Variants in TRIM28 observed in about 807,000 individuals in gnomAD.
TRIM28 encodes transcription intermediary factor 1-beta.
Under a neutral mutation model 87.4 loss-of-function variants are expected in TRIM28, and 8 were observed. The observed-to-expected ratio is 0.09, with a 90% confidence interval of 0.05 to 0.17. TRIM28 has a LOEUF of 0.17. Ranked by LOEUF, TRIM28 falls within the 10% of genes least tolerant of loss-of-function variation. The pLI is 1.00. For synonymous variants in TRIM28, 601 were observed against 454.3 expected, an observed-to-expected ratio of 1.32 and a Z score of -4.11; for missense variants, 968 against 1,131.8, an observed-to-expected ratio of 0.86 and a Z score of 2.08.
rs751886149 is a variant in TRIM28 at position 58,550,292 on chromosome 19, A to G, written c.2331+8A>G. On this transcript the variant is annotated splice_region_variant and intron_variant, in intron 16 of 16. Coordinates refer to ENST00000253024, the MANE Select transcript of TRIM28 (RefSeq NM_005762.3). ...TTCAACAAGTTAACTGAGGTGAGCCAGTGGAATGGAGAGGCTGTGGGCAGG... is the reference window on the plus strand; with the variant it reads ...TTCAACAAGTTAACTGAGGTGAGCCGGTGGAATGGAGAGGCTGTGGGCAGG... 3.1e-6 allele frequency: 5 copies of G among 1,613,986 alleles called. No homozygotes were observed. The highest frequency in any genetic ancestry group is 4.2e-6 in the Non-Finnish European group (5 of 1,179,968).
At position 58,548,192 on chromosome 19, in the gene TRIM28, TG is replaced by T; in HGVS notation, c.1101+15del. 6.2e-7 allele frequency: 1 copy of T among 1,613,830 alleles called. No homozygotes were observed. The highest frequency in any genetic ancestry group is 8.5e-7 in the Non-Finnish European group (1 of 1,179,710). On this transcript the variant is annotated intron_variant, in intron 7 of 16. Transcript: ENST00000253024. The stretch of plus-strand genomic sequence containing the variant: ...TTTCTAAGAAGTTGGTGTGTACTGG[TG>T]GGCTCCTGGCTGGTGGGTTCCAGGC...
At position 58,547,470 on chromosome 19, in the gene TRIM28, C is replaced by T. The variant is rs770078896; in HGVS notation, c.681C>T (p.Leu227=). The part of the protein sequence containing the change: ...LVLFCESCDT[L]TCRDCQLNAH... ...TGTTTTGTGAGAGCTGTGATACTCT[C>T]ACCTGCCGAGACTGCCAGCTCAATG... The change falls in exon 4 of 17, where the codon CTC becomes CTT. Residue 227 remains leucine, a synonymous_variant. Transcript: ENST00000253024. The T allele has an allele frequency of 6.2e-7, 1 of 1,613,928 alleles. No homozygotes were observed. The highest frequency in any genetic ancestry group is 1.3e-5 in the African/African-American group (1 of 74,922).
rs144808183 is a variant in TRIM28 at position 58,545,427 on chromosome 19, G to C, written c.343G>C (p.Val115Leu). Residue 115 changes from valine (V) to leucine (L), a missense_variant and splice_region_variant, in exon 2 of 17, where the codon GTG becomes CTG. Around this residue, in one of 11 missense-constraint regions of TRIM28, gnomAD observed 51 missense variants for 69.3 expected, o/e 0.74. Coordinates refer to ENST00000253024, the MANE Select transcript of TRIM28 (RefSeq NM_005762.3). ...TCCCACATCCCTGCTTCTCGAAGTG[G>C]TGGACTGTCCCGTGTGCAAGCAACA... The part of the protein sequence containing the change: ...DGGAAGDGTV[V>L]DCPVCKQQCF... The C allele has an allele frequency of 6.2e-6, 10 of 1,610,070 alleles. No homozygotes were observed. The highest frequency in any genetic ancestry group is 1.3e-5 in the African/African-American group (1 of 74,894).
chr19:58,549,283 T>C lies in TRIM28; in HGVS notation c.1662+43T>C. The C allele has an allele frequency of 6.3e-7, 1 of 1,596,504 alleles. No individual in the cohort carries two copies. The highest frequency in any genetic ancestry group is 1.7e-5 in the Admixed American group (1 of 59,036). On this transcript the variant is annotated intron_variant, in intron 12 of 16. Transcript: ENST00000253024. The surrounding 1 kb of genome is among the most constrained non-coding windows in gnomAD (Gnocchi z 4.4). ...AACTATAGCTGTAGGATGAAGCCTG[T>C]AGTCCAGGTCTGGACCCTGTTGAAC...
chr19:58,544,731 C>G lies in TRIM28; in HGVS notation c.-27C>G, dbSNP rs890863936. 20 of 1,036,416 alleles carry G rather than the reference C, an allele frequency of 1.9e-5. No homozygotes were observed. Among genetic ancestry groups the G allele is most frequent in the South Asian group, 8.9e-5 (2 of 22,572 alleles). The allele number at this position is 1,036,416 out of a possible 1,614,324, so 64.2% of individuals were successfully genotyped here. ...CGGCGGGCCCCGCGCCCCTCCTCCC[C>G]CCCTGGGCGCCCCCGGCGGCGTGTG... On this transcript the variant is annotated 5_prime_UTR_variant, in exon 1 of 17. Transcript: ENST00000253024.
In TRIM28 at chr19:58,549,698, G is replaced by A. The variant is rs1482072084; in HGVS notation, c.1983-39G>A. The A allele has an allele frequency of 6.2e-7, 1 of 1,600,724 alleles. No homozygotes were observed. Among genetic ancestry groups the A allele is most frequent in the Non-Finnish European group, 8.5e-7 (1 of 1,170,660 alleles). On this transcript the variant is annotated intron_variant, in intron 13 of 16. Coordinates refer to ENST00000253024, the MANE Select transcript of TRIM28 (RefSeq NM_005762.3). The surrounding 1 kb of genome is among the most constrained non-coding windows in gnomAD (Gnocchi z 4.4). ...TCAAGTCTGGGTGTTGGGCTGTCTG[G>A]ACAGGATCATGTGCAGACCCTTATT...
At position 58,545,096 on chromosome 19, in the gene TRIM28, C is replaced by A; in HGVS notation, c.339C>A (p.Thr113=). Residue 113 remains threonine (T), a splice_region_variant and synonymous_variant, in exon 1 of 17, where the codon ACC becomes ACA. Coordinates refer to ENST00000253024, the MANE Select transcript of TRIM28 (RefSeq NM_005762.3). The part of the protein sequence containing the change: ...SGDGGAAGDG[T]VVDCPVCKQQ... ...ACGGCGGGGCGGCGGGCGACGGCAC[C>A]GGTAAGTACGAAGTGATCGGTGCCA... 1.4e-6 allele frequency: 2 copies of A among 1,419,872 alleles called. No homozygotes were observed. Among genetic ancestry groups the A allele is most frequent in the East Asian group, 5.5e-5 (2 of 36,126 alleles). 88.0% of individuals were successfully genotyped at this position (1,419,872 alleles called of 1,614,324 possible). A position where few individuals can be genotyped will look rare whatever the true frequency, so the allele number is the denominator to read the frequency against.
rs752134741 is a variant in TRIM28, at chr19:58,547,436, C to G, written c.647C>G (p.Pro216Arg). 2.5e-6 allele frequency: 4 copies of G among 1,614,020 alleles called. No individual in the cohort carries two copies. The highest frequency in any genetic ancestry group is 3.4e-6 in the Non-Finnish European group (4 of 1,180,000). The part of the protein sequence containing the change: ...TVYCNVHKHE[P>R]LVLFCESCDT... ...TATTGCAACGTACACAAGCATGAAC[C>G]CCTTGTGCTGTTTTGTGAGAGCTGT... The change falls in exon 4 of 17, where the codon CCC (proline) becomes CGC (arginine). Residue 216 changes from proline to arginine, a missense_variant. Coordinates refer to ENST00000253024, the MANE Select transcript of TRIM28 (RefSeq NM_005762.3).
Position 58,545,494 on chromosome 19 carries a change from A to T in TRIM28, c.410A>T (p.Asp137Val). 1 of 1,604,116 alleles carries T rather than the reference A, an allele frequency of 6.2e-7. No individual in the cohort carries two copies. Among genetic ancestry groups the T allele is most frequent in the Non-Finnish European group, 8.5e-7 (1 of 1,173,550 alleles). Residue 137 changes from aspartate to valine, a missense_variant, in exon 2 of 17, where the codon GAT (aspartate) becomes GTT (valine). By Grantham distance (152) the Asp-to-Val change is radical (BLOSUM62 -3). This residue lies in a region of TRIM28 where 51 missense variants were observed against 69.3 expected (regional missense o/e 0.74). Transcript: ENST00000253024. Reference sequence around the variant, plus strand: ...ATCGTGGAGAATTATTTCATGCGTGATAGTGGCAGCAAGGCTGCCACCGAC... The same window carrying T: ...ATCGTGGAGAATTATTTCATGCGTGTTAGTGGCAGCAAGGCTGCCACCGAC... ...KDIVENYFMR[D>V]SGSKAATDAQ...
At chr19:58,548,430 ACT>A in intron 8 of TRIM28, 22 bp downstream of exon 8, 1 of 1,613,806 alleles carries the variant, frequency 6.2e-7, no homozygotes, top group African/African-American at 1.3e-5. Flanking sequence ...GCTTTACCTC[ACT>A]CTGTTATTAC....
chr19:58,545,420 C>T lies in TRIM28; in HGVS notation c.341-5C>T. The T allele has an allele frequency of 6.2e-7, 1 of 1,602,968 alleles. No homozygotes were observed. On this transcript the variant is annotated splice_region_variant and splice_polypyrimidine_tract_variant and intron_variant, in intron 1 of 16. Transcript: ENST00000253024. The stretch of plus-strand genomic sequence containing the variant: ...AACAGTCTCCCACATCCCTGCTTCT[C>T]GAAGTGGTGGACTGTCCCGTGTGCA...
At chr19:58,546,394 A>G (rs2053761572) in intron 3 of TRIM28, among the ~76,000 whole-genome samples, 1 of 152,200 alleles carries the variant, frequency 6.6e-6, no homozygotes, top group Admixed American at 6.5e-5. Flanking sequence ...CCAGCTTTTC[A>G]CAGACACAGC....
At position 58,545,770 on chromosome 19, in the gene TRIM28, A is replaced by C. The variant is rs1490131441; in HGVS notation, c.460A>C (p.Thr154Pro). The C allele has an allele frequency of 1.2e-6, 2 of 1,607,492 alleles. No homozygotes were observed. The highest frequency in any genetic ancestry group is 1.3e-5 in the African/African-American group (1 of 74,852). Residue 154 changes from threonine to proline, a missense_variant, in exon 3 of 17, where the codon ACT becomes CCT. Around this residue, in one of 11 missense-constraint regions of TRIM28, gnomAD observed 51 missense variants for 69.3 expected, o/e 0.74. Coordinates refer to ENST00000253024, the MANE Select transcript of TRIM28 (RefSeq NM_005762.3). Reference protein sequence around the residue: ...TDAQDANQCCTSCEDNAPATS... With the variant: ...TDAQDANQCCPSCEDNAPATS... ...CCCTGCCTTTGTCTGGCAGTGCTGC[A>C]CTAGCTGTGAGGATAATGCCCCAGC...
Position 58,547,154 on chromosome 19 carries a change from A to G in TRIM28, c.587-222A>G, listed in dbSNP as rs139856843. 2.8e-3 allele frequency: 1,655 copies of G among 581,146 alleles called. 22 individuals carry two copies. The East Asian group carries it at 0.031, about 11-fold the overall frequency. The allele number at this position is 581,146 out of a possible 1,614,324, so 36.0% of individuals were successfully genotyped here. ...TACATTGTTGTTATCTCTAGAAGCTAGAAGAAAGGGATGTGTTTCTCAGCT... is the reference window on the plus strand; with the variant it reads ...TACATTGTTGTTATCTCTAGAAGCTGGAAGAAAGGGATGTGTTTCTCAGCT... On this transcript the variant is annotated intron_variant, in intron 3 of 16. Transcript: ENST00000253024.
At position 58,545,525 on chromosome 19, in the gene TRIM28, G is replaced by A; in HGVS notation, c.441G>A (p.Gln147=). Residue 147 remains glutamine, a synonymous_variant, in exon 2 of 17, where the codon CAG becomes CAA. Coordinates refer to ENST00000253024, the MANE Select transcript of TRIM28 (RefSeq NM_005762.3). ...GCAGCAAGGCTGCCACCGACGCCCA[G>A]GATGCGAACCAGGTGCGTCCTATCT... ...DSGSKAATDA[Q]DANQCCTSCE... 1.2e-6 allele frequency: 2 copies of A among 1,611,738 alleles called. No individual in the cohort carries two copies. The highest frequency in any genetic ancestry group is 1.3e-5 in the African/African-American group (1 of 75,020).
chr19:58,550,397 C>T lies in TRIM28; in HGVS notation c.2352C>T (p.Ser784=), dbSNP rs1459773564. 2.5e-6 allele frequency: 4 copies of T among 1,614,066 alleles called. No homozygotes were observed. Among genetic ancestry groups the T allele is most frequent in the South Asian group, 1.1e-5 (1 of 91,080 alleles). The change falls in exon 17 of 17, where the codon TCC becomes TCT. Residue 784 remains serine (S), a synonymous_variant. Coordinates refer to ENST00000253024, the MANE Select transcript of TRIM28 (RefSeq NM_005762.3). ...CCCAGGACAAGGCAGACGTGCAGTC[C>T]ATCATCGGCCTGCAGCGCTTCTTCG... ...KLTEDKADVQ[S]IIGLQRFFET...
intron 3 of TRIM28, 159 bp from the exon 4 acceptor site, chr19:58,547,217 C>G (rs1351068720): frequency 1.1e-6 from 1 of 879,770 alleles, no homozygotes; most frequent in Admixed American, 2.8e-5. Context: ...AGGAGTTGGG[C>G]TTGCAGGCCT....
At chr19:58,545,639 G>A (rs1308013529) in intron 2 of TRIM28, 102 bp downstream of exon 2, 2 of 1,508,172 alleles carry the variant, frequency 1.3e-6, no homozygotes, top group Admixed American at 1.8e-5. Context: ...CTTTCCCAAG[G>A]CTCTGGGTGG....
chr19:58,549,907 AGGT>A lies in TRIM28; in HGVS notation c.2107-40_2107-38del. 1 of 1,613,972 alleles carries A rather than the reference AGGT, an allele frequency of 6.2e-7. No individual in the cohort carries two copies. Among genetic ancestry groups the A allele is most frequent in the Non-Finnish European group, 8.5e-7 (1 of 1,179,958 alleles). ...GTGGGGTTGCCCAGAGAGGCTTTAT[AGGT>A]GCTGCCCAGAGCTGTGACATCCCTT... On this transcript the variant is annotated intron_variant, in intron 14 of 16. Coordinates refer to ENST00000253024, the MANE Select transcript of TRIM28 (RefSeq NM_005762.3). This position sits in a 1 kb window ranked among gnomAD's most constrained non-coding sequence, Gnocchi z 4.4.
Sources: allele counts gnomAD v4.1 joint callset (sites outside exome capture counted in the v4.1 genomes callset), GRCh38; gene constraint gnomAD v4.1.1; regional missense constraint gnomAD v4.1.1; non-coding constraint Gnocchi (gnomAD v3.1); transcripts MANE v1.5; gene names NCBI Gene and HGNC (gene_info 2026-07-23, HGNC 2026-07-21).